The following DNAH14 variants were observed in gnomAD, a reference collection of about 807,000 sequenced individuals.
DNAH14 encodes the protein axonemal beta dynein heavy chain 14.
In DNAH14, 478 loss-of-function variants were observed where a neutral mutation model predicts 520.9. The observed-to-expected ratio is 0.92, with a 90% CI of 0.85 to 0.99. DNAH14 has a LOEUF of 0.99. Ranked by LOEUF, DNAH14 falls within the 50% of genes least tolerant of loss-of-function variation. The probability of loss-of-function intolerance (pLI) is 0.00; values close to 1 mark genes in which losing one functional copy is unlikely to be tolerated. For missense variants in DNAH14, 4,831 were observed against 5,234.5 expected (o/e 0.92, Z 2.38); for synonymous variants, 1,581 against 1,757.2 (o/e 0.90, Z 2.51).
At chr1:225,062,216 G>A (rs960371367) in intron 17 of DNAH14, among the ~76,000 whole-genome samples, 1 of 152,104 alleles carries the variant, frequency 6.6e-6, no homozygotes, top group Non-Finnish European at 1.5e-5. Context: ...TGTGAGGATG[G>A]CTTGATCCCA....
intron 17 of DNAH14, among the ~76,000 whole-genome samples, chr1:225,069,176 T>C (rs2071260827): frequency 6.6e-6 from 1 of 152,202 alleles, no homozygotes; most frequent in South Asian, 2.1e-4. Flanking sequence ...TACTTTGACT[T>C]CATATGTGGA....
intron 43 of DNAH14, among the ~76,000 whole-genome samples, chr1:225,252,036 A>G (rs2092573830): frequency 1.3e-5 from 2 of 152,204 alleles, no homozygotes; most frequent in Non-Finnish European, 2.9e-5. Context: ...GGTAATAATC[A>G]AAACTTTGGG....
intron 74 of DNAH14, among the ~76,000 whole-genome samples, chr1:225,359,247 G>A (rs2095466845): frequency 6.6e-6 from 1 of 152,154 alleles, no homozygotes; most frequent in Non-Finnish European, 1.5e-5. Context: ...ATTCACAAAT[G>A]AAAAATTTAT....
At chr1:225,148,645 C>CAGT (rs2080188831) in intron 31 of DNAH14, among the ~76,000 whole-genome samples, 1 of 151,934 alleles carries the variant, frequency 6.6e-6, no homozygotes, top group South Asian at 2.1e-4. Flanking sequence ...TGTGATGTGC[C>CAGT]CTCCTTGGCC....
chr1:224,994,478 A>G (rs114240082), intron 8 of DNAH14, among the ~76,000 whole-genome samples: 4,432 of 152,110 alleles, frequency 0.029, 83 homozygotes, highest in Non-Finnish European at 0.04. Flanking sequence ...TTTATCTGAT[A>G]TAACTATAAC....
intron 1 of DNAH14, among the ~76,000 whole-genome samples, chr1:224,933,192 T>C (rs576080622): frequency 2.4e-4 from 36 of 152,242 alleles, no homozygotes; most frequent in Non-Finnish European, 1.5e-5. Flanking sequence ...GTGGCTATTG[T>C]AAATTAGATT....
chr1:225,043,761 G>A lies in DNAH14; in HGVS notation c.1786G>A (p.Glu596Lys). The A allele has an allele frequency of 6.8e-7, 1 of 1,466,270 alleles. No homozygotes were observed. Among genetic ancestry groups the A allele is most frequent in the Non-Finnish European group, 9.3e-7 (1 of 1,074,426 alleles). 90.8% of individuals were successfully genotyped at this position (1,466,270 alleles called of 1,614,324 possible). A position where few individuals can be genotyped will look rare whatever the true frequency, so the allele number is the denominator to read the frequency against. The change falls in exon 14 of 86, where the codon GAG becomes AAG. Residue 596 changes from glutamate (E) to lysine (K), a missense_variant. Glu to Lys is a moderately conservative substitution (Grantham distance 56). Coordinates refer to ENST00000682510, the MANE Select transcript of DNAH14 (RefSeq NM_001367479.1). ...DIISDTEIETEFENKYMYYEF... is the reference protein window; with the variant it reads ...DIISDTEIETKFENKYMYYEF... ...TCTAATAGACACAGAAATTGAGACT[G>A]AGTTTGAGAATAAATACATGTATTA...
At chr1:225,151,423 G>T (rs1002480292) in intron 31 of DNAH14, among the ~76,000 whole-genome samples, 4 of 152,084 alleles carry the variant, frequency 2.6e-5, no homozygotes, top group Non-Finnish European at 5.9e-5. Flanking sequence ...AGTTCCCCAG[G>T]TTTTGTCCCA....
At position 225,335,413 on chromosome 1, in the gene DNAH14, A is replaced by G. The variant is rs572701657; in HGVS notation, c.10081-1853A>G. On this transcript the variant is annotated intron_variant, in intron 66 of 85. Coordinates refer to ENST00000682510, the MANE Select transcript of DNAH14 (RefSeq NM_001367479.1). ...TATACACATGTGTACATGTGTGTGT[A>G]TGCACATATGCACGTGTGTACATGT... Among the ~76,000 whole-genome samples the G allele has an allele frequency of 4.9e-3, 485 of 99,980 alleles. 86 individuals are homozygous for G. Among genetic ancestry groups the G allele is most frequent in the East Asian group, 0.032 (76 of 2,410 alleles). The allele number at this position is 99,980 out of a possible 152,430, so 65.6% of individuals were successfully genotyped here.
rs1204994261 is a variant in DNAH14, at chr1:225,147,137, T to C, written c.4828T>C (p.Ser1610Pro). 6.5e-7 allele frequency: 1 copy of C among 1,548,378 alleles called. No individual in the cohort carries two copies. The highest frequency in any genetic ancestry group is 8.7e-7 in the Non-Finnish European group (1 of 1,145,856). ...VRKFFFGLVQ[S>P]GAWSCFDEFN... The stretch of plus-strand genomic sequence containing the variant: ...AAAATTTTTCTTTGGACTAGTTCAG[T>C]CAGGAGCATGGAGTTGTTTTGATGA... Residue 1610 changes from serine to proline, a missense_variant, in exon 31 of 86, where the codon TCA becomes CCA. Physicochemically the swap from Ser to Pro is moderately conservative, Grantham distance 74. Transcript: ENST00000682510.
At chr1:225,167,227 T>C (rs1256047065) in intron 35 of DNAH14, among the ~76,000 whole-genome samples, 1 of 152,232 alleles carries the variant, frequency 6.6e-6, no homozygotes, top group Non-Finnish European at 1.5e-5. Flanking sequence ...TTCCTTCACC[T>C]GCTTTGTTCT....
chr1:225,102,263 G>T (rs2075558963), intron 23 of DNAH14, among the ~76,000 whole-genome samples: 1 of 152,034 alleles, frequency 6.6e-6, no homozygotes, highest in South Asian at 2.1e-4. Context: ...GTATATATGT[G>T]CCACATTTTC....
chr1:225,356,683 A>G (rs1357054762), intron 73 of DNAH14, among the ~76,000 whole-genome samples: 1 of 152,222 alleles, frequency 6.6e-6, no homozygotes, highest in Non-Finnish European at 1.5e-5. Flanking sequence ...ATCTAGAAGG[A>G]GCCACAAGAA....
At chr1:225,288,022 A>G (rs1387382741) in intron 54 of DNAH14, among the ~76,000 whole-genome samples, 1 of 152,188 alleles carries the variant, frequency 6.6e-6, no homozygotes, top group Non-Finnish European at 1.5e-5. Context: ...TCCCATTCAG[A>G]AGATATCCAC....
intron 17 of DNAH14, among the ~76,000 whole-genome samples, chr1:225,066,924 A>G (rs1388602510): frequency 6.6e-6 from 1 of 151,992 alleles, no homozygotes; most frequent in Non-Finnish European, 1.5e-5. Context: ...TTGTTTCCAT[A>G]TTTCTGCAAT....
chr1:224,982,279 C>G (rs757641921), intron 8 of DNAH14, among the ~76,000 whole-genome samples: 2 of 152,164 alleles, frequency 1.3e-5, no homozygotes, highest in Non-Finnish European at 2.9e-5. Context: ...GCTGCAGTGT[C>G]AAACCTCTCT....
intron 43 of DNAH14, among the ~76,000 whole-genome samples, chr1:225,251,902 G>A (rs1345074559): frequency 6.6e-6 from 1 of 152,028 alleles, no homozygotes; most frequent in Non-Finnish European, 1.5e-5. Context: ...AGAATTTTGT[G>A]CTAAGAAAAT....
intron 12 of DNAH14, among the ~76,000 whole-genome samples, chr1:225,041,738 AAT>A (rs33947432): frequency 0.8 from 121,019 of 152,014 alleles, 51,600 homozygotes; most frequent in Non-Finnish European, 0.96. Context: ...TTTAATGCAA[AAT>A]ATTTAAATGC....
At chr1:225,074,891 C>G (rs541209339) in intron 17 of DNAH14, among the ~76,000 whole-genome samples, 6 of 152,214 alleles carry the variant, frequency 3.9e-5, no homozygotes, top group Non-Finnish European at 8.8e-5. Context: ...TGGATGTTAT[C>G]CTGTGAGGCA....
Sources: gnomAD v4.1 joint callset for allele counts (sites outside exome capture counted in the v4.1 genomes callset) on GRCh38, gnomAD v4.1.1 for gene constraint, MANE v1.5 for transcripts, NCBI Gene and HGNC (gene_info 2026-07-23, HGNC 2026-07-21) for gene names.